The following PLXDC2 variants were observed in gnomAD, a reference collection of about 807,000 sequenced individuals.
PLXDC2 encodes the protein plexin domain-containing protein 2.
Under a neutral mutation model 68.9 loss-of-function variants are expected in PLXDC2, and 40 were observed. The ratio of observed to expected loss-of-function variants is 0.58; its 90% CI spans 0.45 to 0.76. The LOEUF is 0.76. Ranked by LOEUF, PLXDC2 falls within the 30% of genes least tolerant of loss-of-function variation. The probability of loss-of-function intolerance (pLI) is 0.00; values close to 1 mark genes in which losing one functional copy is unlikely to be tolerated. For missense variants in PLXDC2, 644 were observed against 661.9 expected, an observed-to-expected ratio of 0.97 and a Z score of 0.30; for synonymous variants, 243 against 234.2, an observed-to-expected ratio of 1.04 and a Z score of -0.34.
chr10:19,914,099 G>T (rs926608769), intron 1 of PLXDC2, among the ~76,000 whole-genome samples: 1 of 149,088 alleles, frequency 6.7e-6, no homozygotes, highest in Non-Finnish European at 1.5e-5. Context: ...AGAAGGGAGG[G>T]AAGAAGGGAG....
At chr10:20,246,500 C>CT (rs1835597346) in intron 13 of PLXDC2, among the ~76,000 whole-genome samples, 1 of 152,226 alleles carries the variant, frequency 6.6e-6, no homozygotes, top group South Asian at 2.1e-4. Flanking sequence ...GAGGCAAACA[C>CT]TACCACACCC....
At chr10:20,177,218 A>C in intron 8 of PLXDC2, 110 bp from the exon 9 acceptor site, 2 of 1,318,522 alleles carry the variant, frequency 1.5e-6, no homozygotes, top group Non-Finnish European at 2.2e-6. Context: ...ATGCATGGGC[A>C]TTTTGCTCCT....
intron 1 of PLXDC2, among the ~76,000 whole-genome samples, chr10:19,878,429 C>T (rs962802119): frequency 6.6e-6 from 1 of 152,042 alleles, no homozygotes. Flanking sequence ...TGGAAAAGAG[C>T]ATAAACATTT....
chr10:19,963,573 A>C (rs56088117), intron 1 of PLXDC2, among the ~76,000 whole-genome samples: 7,949 of 152,248 alleles, frequency 0.052, 268 homozygotes, highest in Middle Eastern at 0.092. Context: ...CATTCTCAGC[A>C]AACTATCGCA....
intron 12 of PLXDC2, among the ~76,000 whole-genome samples, chr10:20,239,653 A>G (rs1055108162): frequency 6.6e-6 from 1 of 152,106 alleles, no homozygotes; most frequent in East Asian, 1.9e-4. Flanking sequence ...TCAAGAAGAG[A>G]TTTGGGTGGG....
At chr10:20,106,186 G>A (rs1294246968) in intron 4 of PLXDC2, among the ~76,000 whole-genome samples, 2 of 152,296 alleles carry the variant, frequency 1.3e-5, no homozygotes, top group East Asian at 1.9e-4. Flanking sequence ...TTCATTGGTA[G>A]GTTGAAGAAT....
chr10:20,185,160 GAAAAAAA>G (rs11307851), intron 9 of PLXDC2, among the ~76,000 whole-genome samples: 1 of 55,992 alleles, frequency 1.8e-5, no homozygotes, highest in Non-Finnish European at 3.2e-5. Flanking sequence ...GAACTGAAAG[GAAAAAAA>G]AAAAAAAAAA....
intron 4 of PLXDC2, among the ~76,000 whole-genome samples, chr10:20,085,177 T>TG (rs1486348266): frequency 1.5e-3 from 210 of 139,488 alleles, no homozygotes; most frequent in African/African-American, 5.0e-3. Flanking sequence ...TAAAAAAAGG[T>TG]GGGGGGAGCC....
At chr10:20,166,316 T>C (rs192411675) in intron 7 of PLXDC2, among the ~76,000 whole-genome samples, 3 of 152,232 alleles carry the variant, frequency 2.0e-5, no homozygotes, top group Admixed American at 6.5e-5. Flanking sequence ...GAACATGGGG[T>C]TTCTCCTTGT....
At chr10:19,923,101 T>C (rs1833486637) in intron 1 of PLXDC2, among the ~76,000 whole-genome samples, 1 of 152,222 alleles carries the variant, frequency 6.6e-6, no homozygotes, top group Admixed American at 6.5e-5. Context: ...TTATAAGCTG[T>C]TCAGGGCTTT....
chr10:20,020,412 G>C (rs1368078417), intron 2 of PLXDC2, among the ~76,000 whole-genome samples: 1 of 151,904 alleles, frequency 6.6e-6, no homozygotes, highest in African/African-American at 2.4e-5. Context: ...CAGTGAACTT[G>C]TGATCATTTA....
chr10:20,135,551 G>A (rs1833922705), intron 4 of PLXDC2, among the ~76,000 whole-genome samples: 1 of 152,086 alleles, frequency 6.6e-6, no homozygotes, highest in African/African-American at 2.4e-5. Flanking sequence ...AGAAGGTTTG[G>A]GCTTTTTGGT....
Position 20,182,071 on chromosome 10 carries a change from TTG to T in PLXDC2, c.1061+4691_1061+4692del, listed in dbSNP as rs111252782. 4.2e-3 allele frequency among the ~76,000 whole-genome samples: 613 copies of T among 146,366 alleles called. 3 individuals are homozygous for T. The highest frequency in any genetic ancestry group is 0.011 in the African/African-American group (418 of 39,666). On this transcript the variant is annotated intron_variant, in intron 9 of 13. Coordinates refer to ENST00000377252, the MANE Select transcript of PLXDC2 (RefSeq NM_032812.9). ...GGTGTTTGGGAAGGAAACCGGTTAT[TTG>T]TGTGTGTGTGTGTGTGTGTGTGTGT...
intron 1 of PLXDC2, among the ~76,000 whole-genome samples, chr10:19,821,011 C>T (rs926096554): frequency 3.3e-5 from 5 of 152,030 alleles, no homozygotes; most frequent in South Asian, 4.2e-4. Context: ...ACCCAGGAGG[C>T]GGAGATAGCA....
At chr10:20,182,587 A>T (rs940413760) in intron 9 of PLXDC2, among the ~76,000 whole-genome samples, 1 of 151,890 alleles carries the variant, frequency 6.6e-6, no homozygotes, top group African/African-American at 2.4e-5. Flanking sequence ...TTACAGACAG[A>T]TGTTTTCATT....
At position 19,923,068 on chromosome 10, in the gene PLXDC2, A is replaced by C. The variant is rs191011390; in HGVS notation, c.113-78707A>C. On this transcript the variant is annotated intron_variant, in intron 1 of 13. Transcript: ENST00000377252. ...TTTGGCCAAGATTGGCTTATGTTTA[A>C]AAAAAAAATCTCTTAAGTCATTTTA... 5.0e-3 allele frequency among the ~76,000 whole-genome samples: 687 copies of C among 138,080 alleles called. 3 individuals are homozygous for C. The highest frequency in any genetic ancestry group is 0.017 in the African/African-American group (644 of 38,376). The allele number at this position is 138,080 out of a possible 152,430, so 90.6% of individuals were successfully genotyped here. A position where few individuals can be genotyped will look rare whatever the true frequency, so the allele number is the denominator to read the frequency against.
chr10:19,858,989 G>A (rs963552099), intron 1 of PLXDC2, among the ~76,000 whole-genome samples: 6 of 151,798 alleles, frequency 4.0e-5, no homozygotes, highest in Admixed American at 2.0e-4. Context: ...AAGGTGAAGG[G>A]AAGCAGGGAA....
intron 1 of PLXDC2, among the ~76,000 whole-genome samples, chr10:19,942,467 A>T (rs771840900): frequency 2.6e-5 from 4 of 152,164 alleles, no homozygotes; most frequent in African/African-American, 4.8e-5. Context: ...AACATTTCTC[A>T]TTAAATCTAA....
At chr10:20,052,173 C>T (rs541930558) in intron 3 of PLXDC2, among the ~76,000 whole-genome samples, 2 of 152,158 alleles carry the variant, frequency 1.3e-5, no homozygotes, top group South Asian at 2.1e-4. Context: ...ATAAGCTTTA[C>T]TGCTTAGATC....
Sources: gnomAD v4.1 joint callset for allele counts (sites outside exome capture counted in the v4.1 genomes callset) on GRCh38, gnomAD v4.1.1 for gene constraint, MANE v1.5 for transcripts, NCBI Gene and HGNC (gene_info 2026-07-23, HGNC 2026-07-21) for gene names.